Variants in CNTNAP2 observed in about 807,000 individuals in gnomAD.
CNTNAP2 encodes the protein contactin associated protein 2.
A neutral mutation model predicts 155.2 loss-of-function variants in CNTNAP2; 98 were observed. The observed-to-expected ratio is 0.63, with a 90% CI of 0.54 to 0.75. The LOEUF (loss-of-function observed/expected upper bound fraction) is 0.75, where lower values mean the gene tolerates loss of function less well. Among genes scored for constraint, CNTNAP2 ranks in the 30% least tolerant of loss-of-function variants. The probability of loss-of-function intolerance (pLI) is 0.00; values close to 1 mark genes in which losing one functional copy is unlikely to be tolerated. For missense variants in CNTNAP2, 1,727 were observed against 1,688.1 expected (o/e 1.02, Z -0.40); for synonymous variants, 651 against 631.2 (o/e 1.03, Z -0.47).
chr7:147,755,265 G>A (rs1055349880), intron 13 of CNTNAP2, among the ~76,000 whole-genome samples: 3 of 152,124 alleles, frequency 2.0e-5, no homozygotes, highest in African/African-American at 7.2e-5. Context: ...TCAGACATGA[G>A]GTAGATTTGA....
At chr7:146,599,544 C>T (rs1361413054) in intron 1 of CNTNAP2, among the ~76,000 whole-genome samples, 3 of 152,002 alleles carry the variant, frequency 2.0e-5, no homozygotes, top group Admixed American at 1.3e-4. Context: ...CAGGCCATTT[C>T]CCTGATCATC....
At chr7:147,980,110 AAAG>A (rs1344276212) in intron 15 of CNTNAP2, among the ~76,000 whole-genome samples, 1 of 152,248 alleles carries the variant, frequency 6.6e-6, no homozygotes, top group East Asian at 1.9e-4. Flanking sequence ...AAAGTAAGAA[AAAG>A]AAGTTCAAAC....
intron 8 of CNTNAP2, chr7:147,161,970 T>A (rs1159210917): frequency 6.6e-6 from 1 of 152,222 alleles, no homozygotes; most frequent in East Asian, 1.9e-4. Flanking sequence ...TGAAATTGCA[T>A]ATTGCCTCCT....
chr7:148,235,974 C>T lies in CNTNAP2; in HGVS notation c.3381+6195C>T, dbSNP rs1023814091. Among the ~76,000 whole-genome samples, 20 of 147,950 alleles carry T rather than the reference C, an allele frequency of 1.4e-4. No individual in the cohort carries two copies. In the South Asian group the frequency reaches 1.5e-3, roughly 11 times the overall value. On this transcript the variant is annotated intron_variant, in intron 20 of 23. Transcript: ENST00000361727. ...TGCTGGAATTACAGGTGTGAGCCAC[C>T]GCGCCTGGCTACAGCTGTGCAGCTT...
intron 1 of CNTNAP2, among the ~76,000 whole-genome samples, chr7:146,642,977 A>C (rs888317993): frequency 2.0e-5 from 3 of 146,710 alleles, no homozygotes; most frequent in Admixed American, 6.7e-5. Flanking sequence ...GTGTCTGTTC[A>C]TGTCCTTTGC....
intron 13 of CNTNAP2, among the ~76,000 whole-genome samples, chr7:147,828,927 G>T (rs1798503923): frequency 6.6e-6 from 1 of 152,086 alleles, no homozygotes; most frequent in Non-Finnish European, 1.5e-5. Flanking sequence ...TAGTTCTTGG[G>T]TATGAAGAGT....
chr7:148,000,039 A>G (rs1217767492), intron 15 of CNTNAP2, among the ~76,000 whole-genome samples: 2 of 152,200 alleles, frequency 1.3e-5, no homozygotes, highest in African/African-American at 4.8e-5. Context: ...CTTCCTAATC[A>G]AAGAATGTGG....
intron 13 of CNTNAP2, among the ~76,000 whole-genome samples, chr7:147,835,700 T>G (rs1250960893): frequency 6.6e-6 from 1 of 152,186 alleles, no homozygotes; most frequent in African/African-American, 2.4e-5. Context: ...ACAGGGTTTG[T>G]GCAGATGTAA....
At chr7:147,290,075 C>A (rs925580927) in intron 8 of CNTNAP2, among the ~76,000 whole-genome samples, 3 of 152,086 alleles carry the variant, frequency 2.0e-5, no homozygotes, top group Non-Finnish European at 4.4e-5. Flanking sequence ...ACTATTGAAC[C>A]ATTTTTCCTA....
chr7:147,447,790 A>G (rs888230192), intron 10 of CNTNAP2, among the ~76,000 whole-genome samples: 3 of 151,666 alleles, frequency 2.0e-5, no homozygotes, highest in African/African-American at 7.3e-5. Flanking sequence ...AATATATGTA[A>G]ATAAATATAT....
At chr7:148,249,550 C>G (rs1191794454) in intron 20 of CNTNAP2, among the ~76,000 whole-genome samples, 1 of 152,188 alleles carries the variant, frequency 6.6e-6, no homozygotes, top group East Asian at 1.9e-4. Context: ...TGCCGACTCA[C>G]ACACCAAACT....
At chr7:146,920,468 A>G (rs905545498) in intron 3 of CNTNAP2, among the ~76,000 whole-genome samples, 2 of 152,132 alleles carry the variant, frequency 1.3e-5, no homozygotes, top group Non-Finnish European at 2.9e-5. Flanking sequence ...ACCTTGATCT[A>G]ATCATGCCAT....
intron 12 of CNTNAP2, among the ~76,000 whole-genome samples, chr7:147,612,694 C>G (rs1413367036): frequency 6.6e-6 from 1 of 152,062 alleles, no homozygotes; most frequent in Admixed American, 6.6e-5. Flanking sequence ...ATCCACCACA[C>G]CCAGTCAAGC....
chr7:146,165,138 T>C (rs1375980227), intron 1 of CNTNAP2, among the ~76,000 whole-genome samples: 1 of 150,568 alleles, frequency 6.6e-6, no homozygotes, highest in East Asian at 1.9e-4. Context: ...GGGTAAACTT[T>C]TCTTTTCTTA....
At chr7:147,037,452 T>TCC (rs1491323561) in intron 3 of CNTNAP2, among the ~76,000 whole-genome samples, 4 of 119,734 alleles carry the variant, frequency 3.3e-5, no homozygotes, top group Non-Finnish European at 7.5e-5. Flanking sequence ...GTTTTTTTTT[T>TCC]CCCTTTTTTT....
At chr7:146,299,041 C>G (rs1305579610) in intron 1 of CNTNAP2, among the ~76,000 whole-genome samples, 3 of 151,974 alleles carry the variant, frequency 2.0e-5, no homozygotes, top group Non-Finnish European at 4.4e-5. Flanking sequence ...TTGGGACACC[C>G]AGGTGGGATC....
At chr7:147,401,844 G>T (rs1197015766) in intron 10 of CNTNAP2, among the ~76,000 whole-genome samples, 1 of 152,116 alleles carries the variant, frequency 6.6e-6, no homozygotes, top group Non-Finnish European at 1.5e-5. Context: ...GTTTCCTGAA[G>T]CCTCTCCAGC....
chr7:146,766,071 C>T (rs968094537), intron 1 of CNTNAP2, among the ~76,000 whole-genome samples: 1 of 152,100 alleles, frequency 6.6e-6, no homozygotes, highest in Non-Finnish European at 1.5e-5. Flanking sequence ...ATCAGGAAGC[C>T]TTCAGGGCAT....
chr7:147,854,708 TTTAA>T (rs1345575784), intron 13 of CNTNAP2, among the ~76,000 whole-genome samples: 2 of 152,180 alleles, frequency 1.3e-5, no homozygotes, highest in Admixed American at 1.3e-4. Flanking sequence ...TTCATTGTGT[TTTAA>T]TTAATTTAAA....
Sources: allele counts gnomAD v4.1 joint callset (sites outside exome capture counted in the v4.1 genomes callset), GRCh38; gene constraint gnomAD v4.1.1; transcripts MANE v1.5; gene names NCBI Gene and HGNC (gene_info 2026-07-23, HGNC 2026-07-21).